The following DLEU7 variants were observed in gnomAD, a reference collection of about 807,000 sequenced individuals.
The protein encoded by DLEU7 is leukemia-associated protein 7.
DLEU7 carries 17 observed loss-of-function variants against 16.0 expected under a neutral mutation model. The observed-to-expected ratio is 1.06, with a 90% confidence interval of 0.73 to 1.59. The LOEUF is 1.59. DLEU7 is among the 40% of genes most tolerant of loss of function. The pLI is 0.00. For missense variants in DLEU7, 308 were observed against 314.9 expected, an observed-to-expected ratio of 0.98 and a Z score of 0.17; for synonymous variants, 113 against 139.8, an observed-to-expected ratio of 0.81 and a Z score of 1.35.
In DLEU7 at chr13:50,843,040, C is replaced by T. The variant is rs1877722917; in HGVS notation, c.459+148G>A. On this transcript the variant is annotated intron_variant, in intron 1 of 1. Coordinates refer to ENST00000504404, the MANE Select transcript of DLEU7 (RefSeq NM_001306135.2). The surrounding 1 kb of genome is among the most constrained non-coding windows in gnomAD (Gnocchi z 5.7). Reference sequence around the variant, plus strand: ...TGCTGAGTCCCCAGAGTGTCCCCCGCCCCCTTCCTTCTCCCACTGGGGCTG... The same window carrying T: ...TGCTGAGTCCCCAGAGTGTCCCCCGTCCCCTTCCTTCTCCCACTGGGGCTG... The T allele has an allele frequency of 1.2e-6, 1 of 853,962 alleles. No individual in the cohort carries two copies. Among genetic ancestry groups the T allele is most frequent in the South Asian group, 2.2e-5 (1 of 45,478 alleles). The allele number at this position is 853,962 out of a possible 1,614,324, so 52.9% of individuals were successfully genotyped here.
At chr13:50,794,693 A>G (rs1876060079) in intron 1 of DLEU7, among the ~76,000 whole-genome samples, 2 of 152,142 alleles carry the variant, frequency 1.3e-5, no homozygotes. Flanking sequence ...TTCTCATCCA[A>G]CTTCACAATA....
intron 1 of DLEU7, among the ~76,000 whole-genome samples, chr13:50,764,778 A>G (rs1875049072): frequency 6.6e-6 from 1 of 152,220 alleles, no homozygotes; most frequent in Non-Finnish European, 1.5e-5. Context: ...AATGCTGATG[A>G]AGATATAACA....
intron 1 of DLEU7, among the ~76,000 whole-genome samples, chr13:50,797,046 A>G (rs547806060): frequency 6.6e-6 from 1 of 152,328 alleles, no homozygotes; most frequent in Non-Finnish European, 1.5e-5. Flanking sequence ...ATGAAGATGT[A>G]TCACAGGTTT....
chr13:50,774,609 A>C (rs1875438775), intron 1 of DLEU7, among the ~76,000 whole-genome samples: 1 of 152,094 alleles, frequency 6.6e-6, no homozygotes, highest in African/African-American at 2.4e-5. Context: ...GGATTTGCGG[A>C]GTTTCATGAA....
chr13:50,817,889 G>A (rs908067747), intron 1 of DLEU7, among the ~76,000 whole-genome samples: 5 of 145,862 alleles, frequency 3.4e-5, no homozygotes, highest in African/African-American at 1.2e-4. Context: ...AGAATACAGT[G>A]AGGAGAGCAT....
intron 1 of DLEU7, among the ~76,000 whole-genome samples, chr13:50,827,665 C>T (rs562524779): frequency 6.6e-6 from 1 of 152,144 alleles, no homozygotes; most frequent in African/African-American, 2.4e-5. Context: ...CCAGCCTGGG[C>T]AACAGAGCGA....
At chr13:50,752,707 C>T (rs895489322) in intron 1 of DLEU7, among the ~76,000 whole-genome samples, 17 of 151,854 alleles carry the variant, frequency 1.1e-4, no homozygotes, top group Admixed American at 7.2e-4. Flanking sequence ...TTCGTGGTCT[C>T]GCTGGCTTCA....
Position 50,769,960 on chromosome 13 carries a change from G to A in DLEU7, c.460-56720C>T, listed in dbSNP as rs1049720862. Among the ~76,000 whole-genome samples, 10 of 152,052 alleles carry A rather than the reference G, an allele frequency of 6.6e-5. No individual in the cohort carries two copies. The East Asian group carries it at 7.7e-4, about 12-fold the overall frequency. On this transcript the variant is annotated intron_variant, in intron 1 of 1. Transcript: ENST00000400393. Reference sequence around the variant, plus strand: ...ATTTGTTTGTGTCCTCTTTTATTTCGTTGAGCAGTGGTTTGTAGTCCTTCA... The same window carrying A: ...ATTTGTTTGTGTCCTCTTTTATTTCATTGAGCAGTGGTTTGTAGTCCTTCA...
chr13:50,755,592 C>T (rs1874730293), intron 1 of DLEU7, among the ~76,000 whole-genome samples: 1 of 151,960 alleles, frequency 6.6e-6, no homozygotes, highest in African/African-American at 2.4e-5. Flanking sequence ...TCTCCCTTCA[C>T]TTCTTGTATC....
At chr13:50,785,163 C>G (rs1875764331) in intron 1 of DLEU7, among the ~76,000 whole-genome samples, 2 of 152,034 alleles carry the variant, frequency 1.3e-5, no homozygotes, top group Admixed American at 6.5e-5. Context: ...GGTGTGACAT[C>G]AAATCATTTG....
At chr13:50,762,189 CAAAAAAAAAAAAA>C (rs71085045) in intron 1 of DLEU7, among the ~76,000 whole-genome samples, 1 of 84,294 alleles carries the variant, frequency 1.2e-5, no homozygotes, top group Admixed American at 1.4e-4. Flanking sequence ...AGACTCGTCT[CAAAAAAAAAAAAA>C]AAAAAAAAAG....
At chr13:50,841,737 CAAAA>C (rs200036592) in intron 1 of DLEU7, among the ~76,000 whole-genome samples, 89 of 104,848 alleles carry the variant, frequency 8.5e-4, no homozygotes, top group East Asian at 1.7e-3. Flanking sequence ...GACCTTGTCT[CAAAA>C]AAAAAAAAAA....
intron 1 of DLEU7, among the ~76,000 whole-genome samples, chr13:50,767,950 C>T (rs1875171300): frequency 6.6e-6 from 1 of 152,192 alleles, no homozygotes; most frequent in African/African-American, 2.4e-5. Flanking sequence ...ACAAACACTT[C>T]TGCCATTCTG....
chr13:50,776,009 T>G (rs1875484576), intron 1 of DLEU7, among the ~76,000 whole-genome samples: 1 of 152,230 alleles, frequency 6.6e-6, no homozygotes. Context: ...AGGAAATCTG[T>G]TTTTTCAAAT....
intron 1 of DLEU7, among the ~76,000 whole-genome samples, chr13:50,725,602 T>A (rs572842933): frequency 6.6e-6 from 1 of 152,098 alleles, no homozygotes; most frequent in Non-Finnish European, 1.5e-5. Flanking sequence ...GTAGCATAAT[T>A]TCATGTTTTC....
chr13:50,735,121 G>A (rs1043625224), intron 1 of DLEU7, among the ~76,000 whole-genome samples: 2 of 152,128 alleles, frequency 1.3e-5, no homozygotes, highest in Admixed American at 6.6e-5. Context: ...AAATGTGTAT[G>A]TATAATAACA....
intron 1 of DLEU7, among the ~76,000 whole-genome samples, chr13:50,771,448 A>G (rs1875307610): frequency 6.6e-6 from 1 of 152,150 alleles, no homozygotes; most frequent in Non-Finnish European, 1.5e-5. Context: ...TGTCCCAGAG[A>G]TTATGGTATG....
intron 1 of DLEU7, among the ~76,000 whole-genome samples, chr13:50,772,252 T>C: frequency 6.6e-6 from 1 of 152,194 alleles, no homozygotes; most frequent in East Asian, 1.9e-4. Flanking sequence ...ATTGGAGCAT[T>C]TAGCCCATTT....
chr13:50,743,117 T>C (rs1363050338), intron 1 of DLEU7, among the ~76,000 whole-genome samples: 1 of 151,618 alleles, frequency 6.6e-6, no homozygotes, highest in Non-Finnish European at 1.5e-5. Flanking sequence ...GCTGAATCAT[T>C]AATGGAATCT....
Sources: gnomAD v4.1 joint callset for allele counts (sites outside exome capture counted in the v4.1 genomes callset) on GRCh38, gnomAD v4.1.1 for gene constraint, Gnocchi (gnomAD v3.1) non-coding constraint, MANE v1.5 for transcripts, NCBI Gene and HGNC (gene_info 2026-07-23, HGNC 2026-07-21) for gene names.